Variants in CHODL observed in about 807,000 individuals in gnomAD.
The protein encoded by CHODL is chondrolectin, also known as transmembrane protein MT75.
Under a neutral mutation model 34.5 loss-of-function variants are expected in CHODL, and 29 were observed. The observed-to-expected ratio is 0.84, with a 90% CI of 0.63 to 1.15. CHODL has a LOEUF of 1.15. Ranked by LOEUF, CHODL falls within the 50% of genes most tolerant of loss-of-function variation. The pLI is 0.00. For missense variants in CHODL, 332 were observed against 332.5 expected (o/e 1.00, Z 0.01); for synonymous variants, 125 against 116.1 (o/e 1.08, Z -0.49).
chr21:18,122,954 A>G (rs1023876054), intron 2 of CHODL, among the ~76,000 whole-genome samples: 1 of 152,162 alleles, frequency 6.6e-6, no homozygotes, highest in Non-Finnish European at 1.5e-5. Flanking sequence ...ACACAATTCT[A>G]TTTGGATGGT....
intron 1 of CHODL, among the ~76,000 whole-genome samples, chr21:17,994,226 A>C (rs910455709): frequency 2.6e-5 from 4 of 152,066 alleles, no homozygotes; most frequent in African/African-American, 9.7e-5. Context: ...GGGCTCTGGC[A>C]GTGTTAGTTC....
chr21:17,999,859 T>C (rs2063888708), intron 1 of CHODL, among the ~76,000 whole-genome samples: 1 of 152,168 alleles, frequency 6.6e-6, no homozygotes, highest in Non-Finnish European at 1.5e-5. Flanking sequence ...TTTCTTGACA[T>C]GGTTTGTCAG....
At chr21:18,098,961 A>G (rs1208769648) in intron 2 of CHODL, among the ~76,000 whole-genome samples, 2 of 152,126 alleles carry the variant, frequency 1.3e-5, no homozygotes, top group East Asian at 3.8e-4. Flanking sequence ...ATGTTATGTA[A>G]AACAAGTCAG....
chr21:17,931,039 G>A (rs1812480732), intron 1 of CHODL, among the ~76,000 whole-genome samples: 1 of 152,210 alleles, frequency 6.6e-6, no homozygotes, highest in Non-Finnish European at 1.5e-5. Flanking sequence ...TACAGAAAGA[G>A]ACTGTGTTCC....
rs1384536245 is a variant in CHODL, at chr21:18,251,669, T to C, written c.80-4840T>C. On this transcript the variant is annotated intron_variant, in intron 1 of 5. Coordinates refer to ENST00000299295, the MANE Select transcript of CHODL (RefSeq NM_024944.3). ...ATATATAAAATATTTATTTTATTTA[T>C]TTATTTTAATATATAAAATAAATAT... is the stretch of plus-strand genomic sequence containing the variant. Among the ~76,000 whole-genome samples, 5 of 132,252 alleles carry C rather than the reference T, an allele frequency of 3.8e-5. No individual in the cohort carries two copies. The Admixed American group carries it at 3.9e-4, about 10-fold the overall frequency. 86.8% of individuals were successfully genotyped at this position (132,252 alleles called of 152,430 possible).
At chr21:17,960,162 C>T (rs113367190) in intron 1 of CHODL, among the ~76,000 whole-genome samples, 85 of 152,276 alleles carry the variant, frequency 5.6e-4, no homozygotes, top group African/African-American at 1.9e-3. Flanking sequence ...TGCCTAGAAA[C>T]AGGGTCTTCC....
chr21:17,999,344 G>T (rs13049065), intron 1 of CHODL, among the ~76,000 whole-genome samples: 20,764 of 152,084 alleles, frequency 0.14, 1,570 homozygotes, highest in South Asian at 0.3. Context: ...ACATTTTTCT[G>T]TCTGCTTCTC....
intron 2 of CHODL, among the ~76,000 whole-genome samples, chr21:18,059,330 C>G (rs1405084145): frequency 1.3e-5 from 2 of 152,108 alleles, no homozygotes; most frequent in Non-Finnish European, 2.9e-5. Flanking sequence ...AAAATAATGT[C>G]TGTTTTTTTA....
chr21:18,253,793 T>A (rs2074284806), intron 1 of CHODL, among the ~76,000 whole-genome samples: 1 of 152,184 alleles, frequency 6.6e-6, no homozygotes, highest in Non-Finnish European at 1.5e-5. Context: ...CATACTAATA[T>A]GTTCTTTTTC....
intron 2 of CHODL, among the ~76,000 whole-genome samples, chr21:18,216,904 A>T (rs955738542): frequency 6.6e-6 from 1 of 152,144 alleles, no homozygotes; most frequent in Non-Finnish European, 1.5e-5. Context: ...ACCTCCCAAC[A>T]GGTTCCTCCC....
intron 1 of CHODL, among the ~76,000 whole-genome samples, chr21:17,996,851 G>A (rs2063854687): frequency 6.6e-6 from 1 of 152,072 alleles, no homozygotes; most frequent in Non-Finnish European, 1.5e-5. Flanking sequence ...TGAAACCTAT[G>A]AGAAACCTGA....
At chr21:18,060,653 AG>A (rs139277137) in intron 2 of CHODL, among the ~76,000 whole-genome samples, 1,982 of 148,258 alleles carry the variant, frequency 0.013, 49 homozygotes, top group African/African-American at 0.047. Context: ...GGGAATTTGA[AG>A]ACCTAGGTAC....
chr21:17,926,058 G>A (rs760928867), intron 1 of CHODL, among the ~76,000 whole-genome samples: 1 of 152,112 alleles, frequency 6.6e-6, no homozygotes, highest in Admixed American at 6.5e-5. Context: ...TAAATTAGTA[G>A]GTGTAATGAT....
intron 2 of CHODL, among the ~76,000 whole-genome samples, chr21:18,147,038 A>C (rs2072899075): frequency 6.6e-6 from 1 of 152,190 alleles, no homozygotes; most frequent in East Asian, 1.9e-4. Context: ...TCTGCTTGGC[A>C]AAGAGAAAGG....
At chr21:18,238,113 G>A (rs1422878766) in intron 2 of CHODL, among the ~76,000 whole-genome samples, 1 of 152,174 alleles carries the variant, frequency 6.6e-6, no homozygotes, top group South Asian at 2.1e-4. Flanking sequence ...TTGTCCTAAA[G>A]CTTCTCAGCA....
intron 2 of CHODL, among the ~76,000 whole-genome samples, chr21:18,118,880 C>A (rs934917378): frequency 5.3e-5 from 8 of 152,136 alleles, no homozygotes; most frequent in Non-Finnish European, 1.2e-4. Context: ...TTTCAAAATG[C>A]TTTCACATAC....
intron 3 of CHODL, among the ~76,000 whole-genome samples, chr21:18,258,002 A>T (rs959726843): frequency 6.6e-6 from 1 of 152,072 alleles, no homozygotes; most frequent in African/African-American, 2.4e-5. Context: ...TCTTCTGAAG[A>T]GGTGTCTGCT....
chr21:18,137,327 GA>G (rs2072746069), intron 2 of CHODL, among the ~76,000 whole-genome samples: 1 of 151,960 alleles, frequency 6.6e-6, no homozygotes, highest in Non-Finnish European at 1.5e-5. Context: ...CTTCTTCAAA[GA>G]AATCAACTAA....
At chr21:18,136,566 A>G (rs1252694833) in intron 2 of CHODL, among the ~76,000 whole-genome samples, 1 of 151,978 alleles carries the variant, frequency 6.6e-6, no homozygotes, top group Non-Finnish European at 1.5e-5. Context: ...AGAAGTAATT[A>G]TTTGGTACAA....
Sources: allele counts gnomAD v4.1 joint callset (sites outside exome capture counted in the v4.1 genomes callset), GRCh38; gene constraint gnomAD v4.1.1; transcripts MANE v1.5; gene names NCBI Gene and HGNC (gene_info 2026-07-23, HGNC 2026-07-21).